Variants in PSMG1 observed in about 807,000 individuals in gnomAD.
PSMG1 encodes the protein Down syndrome critical region gene 2.
In PSMG1, 23 loss-of-function variants were observed where a neutral mutation model predicts 37.2. The observed-to-expected ratio is 0.62, with a 90% CI of 0.44 to 0.88. The LOEUF (loss-of-function observed/expected upper bound fraction) is 0.88, where lower values mean the gene tolerates loss of function less well. PSMG1 is among the 40% of genes least tolerant of loss of function. The probability of loss-of-function intolerance (pLI) is 0.00; values close to 1 mark genes in which losing one functional copy is unlikely to be tolerated. For missense variants in PSMG1, 340 were observed against 344.2 expected (o/e 0.99, Z 0.10); for synonymous variants, 127 against 128.0 (o/e 0.99, Z 0.05).
chr21:39,181,825 A>G lies in PSMG1; in HGVS notation c.188T>C (p.Leu63Pro). The G allele has an allele frequency of 1.3e-6, 2 of 1,595,362 alleles. No individual in the cohort carries two copies. Among genetic ancestry groups the G allele is most frequent in the Non-Finnish European group, 1.7e-6 (2 of 1,173,728 alleles). Residue 63 changes from leucine to proline, a missense_variant, in exon 2 of 7, where the codon CTA becomes CCA. Transcript: ENST00000331573. ...QTKTSLEVSLLEKYPCSKFII... is the reference protein window; with the variant it reads ...QTKTSLEVSLPEKYPCSKFII... The stretch of plus-strand genomic sequence containing the variant: ...AAACTTGGAGCACGGATATTTTTCT[A>G]GCAAAGAAACTTCCAAAGATGTTTT...
chr21:39,176,028 A>G (rs2030615570), intron 6 of PSMG1, among the ~76,000 whole-genome samples: 1 of 152,066 alleles, frequency 6.6e-6, no homozygotes, highest in Non-Finnish European at 1.5e-5. Flanking sequence ...CCCTCTGCAC[A>G]CTTCTACCCA....
chr21:39,180,015 CAAGT>C (rs1365004050), intron 3 of PSMG1, 29 bp from the exon 4 acceptor site: 3 of 1,564,156 alleles, frequency 1.9e-6, no homozygotes, highest in African/African-American at 2.9e-5. Context: ...CGCTTTTTGT[CAAGT>C]AAGTTTTATA....
At chr21:39,176,224 T>A (rs1176797391) in intron 6 of PSMG1, among the ~76,000 whole-genome samples, 1 of 152,192 alleles carries the variant, frequency 6.6e-6, no homozygotes, top group Non-Finnish European at 1.5e-5. Flanking sequence ...AATCATTATC[T>A]CCAAAGCAAA....
chr21:39,180,127 T>A, intron 3 of PSMG1, 141 bp from the exon 4 acceptor site: 3 of 1,245,206 alleles, frequency 2.4e-6, no homozygotes, highest in Non-Finnish European at 3.3e-6. Flanking sequence ...TATTTCTCTT[T>A]AAAATTTAAC....
intron 4 of PSMG1, among the ~76,000 whole-genome samples, chr21:39,179,568 A>C (rs931679446): frequency 1.9e-4 from 29 of 152,164 alleles, no homozygotes; most frequent in African/African-American, 6.8e-4. Flanking sequence ...GATTTCTAAG[A>C]ACCCTTTTAC....
At chr21:39,178,978 A>G (rs1469896948) in intron 4 of PSMG1, among the ~76,000 whole-genome samples, 1 of 152,184 alleles carries the variant, frequency 6.6e-6, no homozygotes, top group African/African-American at 2.4e-5. Context: ...ATATGGGGGT[A>G]GATCCCTCAT....
At chr21:39,176,857 A>G (rs1333528910) in intron 6 of PSMG1, among the ~76,000 whole-genome samples, 2 of 152,244 alleles carry the variant, frequency 1.3e-5, no homozygotes, top group Admixed American at 6.5e-5. Flanking sequence ...TGCTTAAACC[A>G]GAGGCTGTGG....
intron 3 of PSMG1, 92 bp downstream of exon 3, chr21:39,180,193 T>G: frequency 1.4e-6 from 2 of 1,425,380 alleles, no homozygotes; most frequent in Non-Finnish European, 1.9e-6. Flanking sequence ...ACAGAGCAAC[T>G]GAAAGATTTG....
At chr21:39,179,823 T>G in intron 4 of PSMG1, 101 bp downstream of exon 4, 1 of 988,676 alleles carries the variant, frequency 1.0e-6, no homozygotes, top group Non-Finnish European at 1.5e-6. Flanking sequence ...TTTAAAGAAA[T>G]AAATATCTGA....
intron 5 of PSMG1, 24 bp downstream of exon 5, chr21:39,178,425 A>T: frequency 6.3e-7 from 1 of 1,582,516 alleles, no homozygotes; most frequent in Non-Finnish European, 8.7e-7. Flanking sequence ...GATAGAATGT[A>T]AATGTTACAA....
chr21:39,175,157 G>T lies in PSMG1; in HGVS notation c.*433C>A, dbSNP rs379291. ...TGTAGCTTTGAAAAATTTAACTAAA[G>T]TTGGGCACAGTGGCTCACACCTGTA... On this transcript the variant is annotated 3_prime_UTR_variant, in exon 7 of 7. Transcript: ENST00000331573. 15,377 of 152,332 alleles carry T rather than the reference G, an allele frequency of 0.1. 907 individuals are homozygous for T. The highest frequency in any genetic ancestry group is 0.14 in the East Asian group (735 of 5,176). The allele number at this position is 152,332 out of a possible 1,614,324, so 9.4% of individuals were successfully genotyped here.
At chr21:39,177,346 T>G in intron 6 of PSMG1, 89 bp downstream of exon 6, 1 of 1,268,180 alleles carries the variant, frequency 7.9e-7, no homozygotes, top group Non-Finnish European at 1.0e-6. Flanking sequence ...AAGCATTGCT[T>G]AGGGTTTAAA....
In PSMG1 at chr21:39,183,374, C is replaced by A. The variant is rs1311346473; in HGVS notation, c.12G>T (p.Thr4=). The A allele has an allele frequency of 2.5e-6, 4 of 1,575,002 alleles. No homozygotes were observed. The highest frequency in any genetic ancestry group is 3.4e-6 in the Non-Finnish European group (4 of 1,164,658). The part of the protein sequence containing the change: MAA[T]FFGEVVKAPC... ...GCGCCTTCACCACCTCTCCGAAGAA[C>A]GTGGCCGCCATAGCCGCCCCGTGAC... Residue 4 remains threonine (T), a synonymous_variant, in exon 1 of 7, where the codon ACG becomes ACT. Coordinates refer to ENST00000331573, the MANE Select transcript of PSMG1 (RefSeq NM_003720.4).
intron 4 of PSMG1, 120 bp downstream of exon 4, chr21:39,179,804 C>A: frequency 1.1e-6 from 1 of 874,886 alleles, no homozygotes; most frequent in Non-Finnish European, 1.7e-6. Context: ...AAAGAAATTC[C>A]CACAATATTT....
At chr21:39,176,378 A>G (rs2030626440) in intron 6 of PSMG1, among the ~76,000 whole-genome samples, 1 of 152,230 alleles carries the variant, frequency 6.6e-6, no homozygotes, top group Admixed American at 6.5e-5. Flanking sequence ...ACAGTCCTAC[A>G]GCAGTAAACA....
chr21:39,181,942 C>G lies in PSMG1; in HGVS notation c.135-64G>C, dbSNP rs1454726786. On this transcript the variant is annotated intron_variant, in intron 1 of 6. Coordinates refer to ENST00000331573, the MANE Select transcript of PSMG1 (RefSeq NM_003720.4). ...TATAAACAGTATCATGGCAAAAGGG[C>G]ACTATATGTATGATTTACAATAAAT... 11 of 1,028,170 alleles carry G rather than the reference C, an allele frequency of 1.1e-5. No homozygotes were observed. The South Asian group carries it at 1.9e-4, about 18-fold the overall frequency. The allele number at this position is 1,028,170 out of a possible 1,614,324, so 63.7% of individuals were successfully genotyped here.
intron 4 of PSMG1, 87 bp from the exon 5 acceptor site, chr21:39,178,734 CAGACAATAATAGCATGCCT>C: frequency 8.1e-7 from 1 of 1,230,552 alleles, no homozygotes; most frequent in East Asian, 2.5e-5. Context: ...CCTAACACCA[CAGACAATAATAGCATGCCT>C]AGCAGGGGTG....
At chr21:39,183,465 C>G (rs920724181), upstream of PSMG1, 2 of 1,464,132 alleles carry the variant, frequency 1.4e-6, no homozygotes, top group African/African-American at 1.5e-5. Flanking sequence ...GCTCCCTCAC[C>G]GCGCGGGCAA....
In PSMG1 at chr21:39,178,463, T is replaced by A; in HGVS notation, c.641A>T (p.Asp214Val). 1 of 1,613,006 alleles carries A rather than the reference T, an allele frequency of 6.2e-7. No homozygotes were observed. Among genetic ancestry groups the A allele is most frequent in the Non-Finnish European group, 8.5e-7 (1 of 1,179,024 alleles). Reference protein sequence around the residue: ...PLLEQPNIVHDLPAAVLSYCQ... With the variant: ...PLLEQPNIVHVLPAAVLSYCQ... ...TTTAATACCACCTGCTGCAGGAAGGTCGTGTACTATATTCGGTTGTTCTAG... is the reference window on the plus strand; with the variant it reads ...TTTAATACCACCTGCTGCAGGAAGGACGTGTACTATATTCGGTTGTTCTAG... Residue 214 changes from aspartate to valine, a missense_variant, in exon 5 of 7, where the codon GAC (aspartate) becomes GTC (valine). Asp to Val is a radical substitution (Grantham distance 152). Coordinates refer to ENST00000331573, the MANE Select transcript of PSMG1 (RefSeq NM_003720.4).
Sources: allele counts gnomAD v4.1 joint callset (sites outside exome capture counted in the v4.1 genomes callset), GRCh38; gene constraint gnomAD v4.1.1; transcripts MANE v1.5; gene names NCBI Gene and HGNC (gene_info 2026-07-23, HGNC 2026-07-21).